Variants in FMO3 observed in about 807,000 individuals in gnomAD.
The protein encoded by FMO3 is flavin containing dimethylaniline monoxygenase 3.
In FMO3, 40 loss-of-function variants were observed where a neutral mutation model predicts 39.4. The observed-to-expected ratio is 1.02, with a 90% CI of 0.79 to 1.32. The LOEUF (loss-of-function observed/expected upper bound fraction) is 1.32, where lower values mean the gene tolerates loss of function less well. FMO3 is among the 40% of genes most tolerant of loss of function. FMO3 has a pLI of 0.00. For synonymous variants in FMO3, 219 were observed against 228.8 expected (o/e 0.96, Z 0.39); for missense variants, 680 against 651.8 (o/e 1.04, Z -0.47).
At chr1:171,096,264 A>C (rs1655038193) in intron 2 of FMO3, among the ~76,000 whole-genome samples, 1 of 70,032 alleles carries the variant, frequency 1.4e-5, no homozygotes, top group Admixed American at 2.6e-4. Context: ...ATAATTTTAT[A>C]TATATAAATA....
At chr1:171,114,459 C>A (rs1656058637) in intron 7 of FMO3, 97 bp downstream of exon 7, 2 of 916,454 alleles carry the variant, frequency 2.2e-6, no homozygotes, top group Middle Eastern at 2.9e-4. Flanking sequence ...ACAAGGTCCC[C>A]TTCAGTTTTG....
At chr1:171,111,762 T>C (rs1479237678) in intron 6 of FMO3, among the ~76,000 whole-genome samples, 1 of 152,194 alleles carries the variant, frequency 6.6e-6, no homozygotes, top group Non-Finnish European at 1.5e-5. Flanking sequence ...CAAACATTTA[T>C]TACACGTTTA....
intron 2 of FMO3, among the ~76,000 whole-genome samples, chr1:171,096,584 A>T (rs1312668013): frequency 8.2e-6 from 1 of 121,876 alleles, no homozygotes; most frequent in East Asian, 2.4e-4. Context: ...TACTTTATAT[A>T]TTAAATACAT....
chr1:171,094,740 T>C (rs927149149), intron 2 of FMO3, among the ~76,000 whole-genome samples: 3 of 152,138 alleles, frequency 2.0e-5, no homozygotes, highest in Admixed American at 2.0e-4. Context: ...TGAAGATCAG[T>C]TGGCTATAGG....
chr1:171,091,954 T>C (rs1571194570), intron 1 of FMO3, among the ~76,000 whole-genome samples: 1 of 152,064 alleles, frequency 6.6e-6, no homozygotes, highest in Non-Finnish European at 1.5e-5. Flanking sequence ...TGTTTCTTCA[T>C]TCCCATATAC....
rs61757397 is a variant in FMO3, at chr1:171,117,105, G to T, written c.1262G>T (p.Gly421Val). The T allele has an allele frequency of 3.7e-6, 6 of 1,613,728 alleles. No homozygotes were observed. The East Asian group carries it at 8.9e-5, about 24-fold the overall frequency. ...EKMEKKRKWF[G>V]KSETIQTDYI... Reference sequence around the variant, plus strand: ...GTTTTCTCTCCCATCTCCAGGTTTGGCAAAAGCGAGACCATACAGACAGAT... The same window carrying T: ...GTTTTCTCTCCCATCTCCAGGTTTGTCAAAAGCGAGACCATACAGACAGAT... The change falls in exon 9 of 9, where the codon GGC becomes GTC. Residue 421 changes from glycine (G) to valine (V), a missense_variant. Gly to Val is a moderately radical substitution (Grantham distance 109). Coordinates refer to ENST00000367755, the MANE Select transcript of FMO3 (RefSeq NM_001002294.3).
chr1:171,111,888 A>G (rs879840453), intron 6 of FMO3, among the ~76,000 whole-genome samples: 17 of 152,232 alleles, frequency 1.1e-4, no homozygotes, highest in Non-Finnish European at 1.9e-4. Flanking sequence ...AAACAATAGC[A>G]TAAGATCATA....
intron 2 of FMO3, among the ~76,000 whole-genome samples, chr1:171,101,996 C>T (rs552448980): frequency 5.3e-5 from 8 of 152,086 alleles, no homozygotes; most frequent in South Asian, 4.2e-4. Flanking sequence ...TCTCTTTAAA[C>T]TTACCCAACT....
intron 4 of FMO3, 115 bp downstream of exon 4, chr1:171,107,952 T>C (rs1183290425): frequency 5.9e-6 from 8 of 1,347,954 alleles, no homozygotes; most frequent in Admixed American, 5.0e-5. Flanking sequence ...TTCTGTTATA[T>C]CTAATATGCT....
intron 2 of FMO3, among the ~76,000 whole-genome samples, chr1:171,093,827 CTTTTTTT>C (rs1228257104): frequency 4.0e-5 from 3 of 75,290 alleles, no homozygotes; most frequent in Non-Finnish European, 6.9e-5. Flanking sequence ...TCACTAATAT[CTTTTTTT>C]TTTTTTTTTT....
At chr1:171,096,636 T>A (rs1430031859) in intron 2 of FMO3, among the ~76,000 whole-genome samples, 12 of 72,414 alleles carry the variant, frequency 1.7e-4, no homozygotes, top group East Asian at 1.2e-3. Context: ...CTTTATATAT[T>A]AAATACATAA....
In FMO3 at chr1:171,116,208, G is replaced by A. The variant is rs1023271340; in HGVS notation, c.1184G>A (p.Gly395Glu). Residue 395 changes from glycine (G) to glutamate (E), a missense_variant and splice_region_variant, in exon 8 of 9, where the codon GGA (glycine) becomes GAA (glutamate). Coordinates refer to ENST00000367755, the MANE Select transcript of FMO3 (RefSeq NM_001002294.3). ...QSRWAAQVIKGTCTLPSMEDM... is the reference protein window; with the variant it reads ...QSRWAAQVIKETCTLPSMEDM... ...CATCGTGTCTTTCCTTCTTTATCAG[G>A]AACTTGTACTTTGCCTTCTATGGAA... is the stretch of plus-strand genomic sequence containing the variant. 5 of 1,593,850 alleles carry A rather than the reference G, an allele frequency of 3.1e-6. No homozygotes were observed. The highest frequency in any genetic ancestry group is 4.3e-6 in the Non-Finnish European group (5 of 1,162,154).
intron 3 of FMO3, among the ~76,000 whole-genome samples, chr1:171,104,733 A>G (rs1259574592): frequency 1.3e-5 from 2 of 151,840 alleles, no homozygotes; most frequent in African/African-American, 4.8e-5. Flanking sequence ...AATTAGCTGG[A>G]TGTGGTGGCA....
At chr1:171,103,748 T>C (rs1320980377) in intron 2 of FMO3, 37 bp from the exon 3 acceptor site, 1 of 1,526,204 alleles carries the variant, frequency 6.6e-7, no homozygotes, top group African/African-American at 1.4e-5. Flanking sequence ...TATACTCATT[T>C]ACCAATTCGC....
At chr1:171,101,178 C>T (rs1204149734) in intron 2 of FMO3, 1 of 456,220 alleles carries the variant, frequency 2.2e-6, no homozygotes, top group Non-Finnish European at 4.4e-6. Flanking sequence ...GGAATGGATT[C>T]TCTCCTGGAG....
chr1:171,093,827 C>CTT (rs1228257104), intron 2 of FMO3, among the ~76,000 whole-genome samples: 2,200 of 75,244 alleles, frequency 0.029, 59 homozygotes, highest in African/African-American at 0.046. Flanking sequence ...TCACTAATAT[C>CTT]TTTTTTTTTT....
rs1655652844 is a variant in FMO3 at position 171,106,655 on chromosome 1, CAAAA to C, written c.322-1019_322-1016del. Among the ~76,000 whole-genome samples the C allele has an allele frequency of 2.0e-5, 3 of 151,722 alleles. 1 individual carries two copies. In the South Asian group the frequency reaches 6.2e-4, roughly 32 times the overall value. On this transcript the variant is annotated intron_variant, in intron 3 of 8. Transcript: ENST00000367755. ...AAGAAAAATAAAGAGAATGACAACT[CAAAA>C]GAAAGTAAAACACAGTTATTGAAGA...
chr1:171,107,922 C>A, intron 4 of FMO3, 85 bp downstream of exon 4: 1 of 1,463,616 alleles, frequency 6.8e-7, no homozygotes, highest in Non-Finnish European at 9.6e-7. Context: ...AAAGTATAAG[C>A]AGGTTAAATT....
rs1345205265 is a variant in FMO3 at position 171,117,412 on chromosome 1, G to T, written c.1569G>T (p.Leu523=). ...HWLKLFAIPI[L]LIAVFLVLT ...TGAAGCTCTTTGCAATTCCTATTCT[G>T]TTAATCGCTGTTTTCCTTGTGTTGA... Residue 523 remains leucine, a synonymous_variant, in exon 9 of 9, where the codon CTG becomes CTT. Coordinates refer to ENST00000367755, the MANE Select transcript of FMO3 (RefSeq NM_001002294.3). 1 of 1,613,604 alleles carries T rather than the reference G, an allele frequency of 6.2e-7. No homozygotes were observed. Among genetic ancestry groups the T allele is most frequent in the Admixed American group, 1.7e-5 (1 of 59,874 alleles).
Sources: allele counts gnomAD v4.1 joint callset (sites outside exome capture counted in the v4.1 genomes callset), GRCh38; gene constraint gnomAD v4.1.1; transcripts MANE v1.5; gene names NCBI Gene and HGNC (gene_info 2026-07-23, HGNC 2026-07-21).